The following CEACAM19 variants were observed in gnomAD, a reference collection of about 807,000 sequenced individuals.
The protein encoded by CEACAM19 is cell adhesion molecule CEACAM19.
A neutral mutation model predicts 37.6 loss-of-function variants in CEACAM19; 37 were observed. The ratio of observed to expected loss-of-function variants is 0.98; its 90% CI spans 0.76 to 1.29. The LOEUF (loss-of-function observed/expected upper bound fraction) is 1.29. CEACAM19 is among the 50% of genes most tolerant of loss of function. The probability of loss-of-function intolerance (pLI) is 0.00; values close to 1 mark genes in which losing one functional copy is unlikely to be tolerated. For missense variants in CEACAM19, 340 were observed against 375.6 expected (o/e 0.91, Z 0.78); for synonymous variants, 140 against 149.8 (o/e 0.93, Z 0.48).
chr19:44,667,253 C>T (rs73936840), upstream of CEACAM19: 5,354 of 151,556 alleles, frequency 0.035, 257 homozygotes, highest in African/African-American at 0.1. Flanking sequence ...CACACCCCGA[C>T]CTAGCTGTCT....
rs146219702 is a variant in CEACAM19 at position 44,676,394 on chromosome 19, C to T, written c.548C>T (p.Thr183Ile). Reference protein sequence around the residue: ...LISCIAYLLVTRNWRGQSHRL... With the variant: ...LISCIAYLLVIRNWRGQSHRL... ...AGCTGCATTGCCTATCTCCTGGTGA[C>T]AAGGAACTGGAGGGGCCAGAGCCAC... Residue 183 changes from threonine (T) to isoleucine (I), a missense_variant, in exon 3 of 8, where the codon ACA becomes ATA. Thr to Ile is a moderately conservative substitution (Grantham distance 89, BLOSUM62 -1). Coordinates refer to ENST00000358777, the MANE Select transcript of CEACAM19 (RefSeq NM_001127893.3). 3.9e-4 allele frequency: 625 copies of T among 1,613,976 alleles called. No homozygotes were observed. The highest frequency in any genetic ancestry group is 5.1e-4 in the Non-Finnish European group (599 of 1,180,026).
At chr19:44,674,056 G>A (rs1376227589) in intron 2 of CEACAM19, among the ~76,000 whole-genome samples, 2 of 152,126 alleles carry the variant, frequency 1.3e-5, no homozygotes, top group Non-Finnish European at 2.9e-5. Context: ...GATCACCCTG[G>A]CCAACATGGT....
In CEACAM19 at chr19:44,683,675, C is replaced by A; in HGVS notation, c.*185C>A. 1 of 436,168 alleles carries A rather than the reference C, an allele frequency of 2.3e-6. No homozygotes were observed. The allele number at this position is 436,168 out of a possible 1,614,324, so 27.0% of individuals were successfully genotyped here. Reference sequence around the variant, plus strand: ...GGGGGACAGGAGACTGTAACAGGCCCAGGTCCTTGTGCAGCCCGTGAATGC... The same window carrying A: ...GGGGGACAGGAGACTGTAACAGGCCAAGGTCCTTGTGCAGCCCGTGAATGC... On this transcript the variant is annotated 3_prime_UTR_variant, in exon 8 of 8. Transcript: ENST00000358777.
intron 5 of CEACAM19, 117 bp from the exon 6 acceptor site, chr19:44,681,110 G>A: frequency 1.4e-6 from 1 of 734,014 alleles, no homozygotes; most frequent in Non-Finnish European, 2.3e-6. Context: ...GGTTTGGCTA[G>A]AAGAAGCGTT....
chr19:44,682,527 G>T (rs997780014), intron 6 of CEACAM19, 40 bp from the exon 7 acceptor site: 2 of 1,555,962 alleles, frequency 1.3e-6, no homozygotes, highest in Non-Finnish European at 1.7e-6. Flanking sequence ...AGAGGGTGGG[G>T]GGTGCCGAGC....
At chr19:44,682,060 C>T (rs1215428039) in intron 6 of CEACAM19, among the ~76,000 whole-genome samples, 2 of 152,094 alleles carry the variant, frequency 1.3e-5, no homozygotes, top group African/African-American at 4.8e-5. Context: ...GAGTTTGAGA[C>T]CAGCCTGGGG....
Position 44,671,811 on chromosome 19 carries a change from T to G in CEACAM19, c.-121T>G, listed in dbSNP as rs1599786114. 1 of 752,598 alleles carries G rather than the reference T, an allele frequency of 1.3e-6. No individual in the cohort carries two copies. Among genetic ancestry groups the G allele is most frequent in the Non-Finnish European group, 2.2e-6 (1 of 455,684 alleles). The allele number at this position is 752,598 out of a possible 1,614,324, so 46.6% of individuals were successfully genotyped here. On this transcript the variant is annotated 5_prime_UTR_variant, in exon 1 of 8. Transcript: ENST00000358777. ...GCTGGGGCTGGGCCAGCCCCAGCGG[T>G]GTCTCTAAGGCACCCCTGGGATCCC...
upstream of CEACAM19, among the ~76,000 whole-genome samples, chr19:44,668,379 ATATATAATATATT>A (rs1311113676): frequency 1.8e-4 from 11 of 61,738 alleles, 1 homozygote; most frequent in South Asian, 1.9e-3. Flanking sequence ...TATATATTAT[ATATATAATATATT>A]TATATAATAT....
chr19:44,671,908 T>C lies in CEACAM19; in HGVS notation c.-24T>C, dbSNP rs775270726. On this transcript the variant is annotated 5_prime_UTR_variant, in exon 1 of 8. Transcript: ENST00000358777. The stretch of plus-strand genomic sequence containing the variant: ...CCCTTAGTGTCCAGCTCGTGGCCCC[T>C]TGGCATTTCCACAAGACGCCAAGAT... 13 of 1,596,848 alleles carry C rather than the reference T, an allele frequency of 8.1e-6. No homozygotes were observed. In the South Asian group the frequency reaches 1.5e-4, roughly 18 times the overall value.
chr19:44,672,960 A>T lies in CEACAM19; in HGVS notation c.420A>T (p.Val140=). ...TGAAGGCCAAGACTGAGGTCCAGGTAGCTGGTAAGTGTTAGGGTCTGGGGA... is the reference window on the plus strand; with the variant it reads ...TGAAGGCCAAGACTGAGGTCCAGGTTGCTGGTAAGTGTTAGGGTCTGGGGA... The part of the protein sequence containing the change: ...WTMKAKTEVQ[V]AEKNKELPST... Residue 140 remains valine (V), a synonymous_variant, in exon 2 of 8, where the codon GTA becomes GTT. Coordinates refer to ENST00000358777, the MANE Select transcript of CEACAM19 (RefSeq NM_001127893.3). 6.7e-7 allele frequency: 1 copy of T among 1,491,468 alleles called. No individual in the cohort carries two copies. The highest frequency in any genetic ancestry group is 9.0e-7 in the Non-Finnish European group (1 of 1,116,510). 92.4% of individuals were successfully genotyped at this position (1,491,468 alleles called of 1,614,324 possible). A position where few individuals can be genotyped will look rare whatever the true frequency, so the allele number is the denominator to read the frequency against.
At chr19:44,666,404 C>T (rs1973715297) in intron 1 of CEACAM19, among the ~76,000 whole-genome samples, 1 of 152,212 alleles carries the variant, frequency 6.6e-6, no homozygotes, top group Non-Finnish European at 1.5e-5. Context: ...CACAGTGGCT[C>T]ACGCCTGTAA....
chr19:44,675,095 A>AGT (rs1267485271), intron 2 of CEACAM19, among the ~76,000 whole-genome samples: 19 of 109,636 alleles, frequency 1.7e-4, no homozygotes, highest in Non-Finnish European at 2.8e-4. Flanking sequence ...TTCAGAGAAC[A>AGT]GCGTGTGTGT....
upstream of CEACAM19, among the ~76,000 whole-genome samples, chr19:44,669,399 C>T (rs945915207): frequency 2.0e-5 from 3 of 152,048 alleles, no homozygotes; most frequent in Admixed American, 6.6e-5. Context: ...GGTAGGATTA[C>T]AAGTGTGGGT....
intron 7 of CEACAM19, 37 bp from the exon 8 acceptor site, chr19:44,683,400 C>T: frequency 9.8e-7 from 1 of 1,022,672 alleles, no homozygotes; most frequent in East Asian, 2.7e-5. Context: ...TCCCCCTCCA[C>T]CCAGTCATAA....
upstream of CEACAM19, among the ~76,000 whole-genome samples, chr19:44,668,484 A>ATAT (rs1568512865): frequency 6.3e-5 from 4 of 63,254 alleles, no homozygotes; most frequent in African/African-American, 3.2e-4. Flanking sequence ...TAATATATAT[A>ATAT]TTATATATAT....
upstream of CEACAM19, among the ~76,000 whole-genome samples, chr19:44,667,632 A>G (rs1414135541): frequency 3.6e-5 from 3 of 82,698 alleles, no homozygotes; most frequent in African/African-American, 5.2e-5. Context: ...ATAAATATAT[A>G]AATATATAAT....
At position 44,681,196 on chromosome 19, in the gene CEACAM19, C is replaced by T. The variant is rs773280678; in HGVS notation, c.707-31C>T. 9.1e-6 allele frequency: 14 copies of T among 1,538,614 alleles called. No homozygotes were observed. In the Middle Eastern group the frequency reaches 8.5e-4, roughly 93 times the overall value. On this transcript the variant is annotated intron_variant, in intron 5 of 7. Coordinates refer to ENST00000358777, the MANE Select transcript of CEACAM19 (RefSeq NM_001127893.3). ...AGAGTGGCCTGTGGGGCCCATGTGTCAGCTGGTACCTCCCCTGGCCTCTGT... is the reference window on the plus strand; with the variant it reads ...AGAGTGGCCTGTGGGGCCCATGTGTTAGCTGGTACCTCCCCTGGCCTCTGT...
In CEACAM19 at chr19:44,672,788, G is replaced by A. The variant is rs747763332; in HGVS notation, c.248G>A (p.Gly83Glu). The A allele has an allele frequency of 6.9e-6, 11 of 1,587,166 alleles. No homozygotes were observed. In the South Asian group the frequency reaches 8.1e-5, roughly 12 times the overall value. Residue 83 changes from glycine (G) to glutamate (E), a missense_variant, in exon 2 of 8, where the codon GGG becomes GAG. Gly to Glu is a moderately conservative substitution (Grantham distance 98). Coordinates refer to ENST00000358777, the MANE Select transcript of CEACAM19 (RefSeq NM_001127893.3). ...GGTRLFTYIP[G>E]IQRPQRDGSA... ...ACGAGGCTATTTACCTACATCCCTG[G>A]GATACAACGGCCTCAGAGGGATGGC...
At chr19:44,681,835 A>C (rs925787457) in intron 6 of CEACAM19, among the ~76,000 whole-genome samples, 96 of 152,148 alleles carry the variant, frequency 6.3e-4, no homozygotes, top group African/African-American at 2.3e-3. Flanking sequence ...GAGGCTGAGG[A>C]AGGAGAATCG....
Sources: gnomAD v4.1 joint callset for allele counts (sites outside exome capture counted in the v4.1 genomes callset) on GRCh38, gnomAD v4.1.1 for gene constraint, MANE v1.5 for transcripts, NCBI Gene and HGNC (gene_info 2026-07-23, HGNC 2026-07-21) for gene names.